The following SUPT3H variants were observed in gnomAD, a reference collection of about 807,000 sequenced individuals.
SUPT3H encodes the protein SPT3 homolog, SAGA and STAGA complex component.
SUPT3H carries 44 observed loss-of-function variants against 44.3 expected under a neutral mutation model. That is an observed-to-expected ratio of 0.99 (90% CI 0.78 to 1.28). The LOEUF is 1.28. Ranked by LOEUF, SUPT3H falls within the 50% of genes most tolerant of loss-of-function variation. The probability of loss-of-function intolerance (pLI) is 0.00; values close to 1 mark genes in which losing one functional copy is unlikely to be tolerated. For synonymous variants in SUPT3H, 124 were observed against 125.6 expected, an observed-to-expected ratio of 0.99 and a Z score of 0.09; for missense variants, 380 against 387.1, an observed-to-expected ratio of 0.98 and a Z score of 0.15.
At chr6:44,809,645 A>G (rs1766379512) in intron 11 of SUPT3H, 1 of 152,354 alleles carries the variant, frequency 6.6e-6, no homozygotes, top group Admixed American at 6.5e-5. Context: ...AACTATTTTT[A>G]AAAAGTTTTG....
chr6:45,306,941 G>T (rs1783122369), intron 2 of SUPT3H, among the ~76,000 whole-genome samples: 1 of 152,230 alleles, frequency 6.6e-6, no homozygotes, highest in South Asian at 2.1e-4. Context: ...CTTTTCCAAT[G>T]ATCTTAGCAA....
At chr6:45,006,756 T>G (rs2153507731) in intron 5 of SUPT3H, among the ~76,000 whole-genome samples, 1 of 152,202 alleles carries the variant, frequency 6.6e-6, no homozygotes, top group Non-Finnish European at 1.5e-5. Context: ...ATCTCTAAAC[T>G]TTTGGCTTTC....
At chr6:45,203,579 A>G (rs1762745734) in intron 2 of SUPT3H, among the ~76,000 whole-genome samples, 1 of 152,198 alleles carries the variant, frequency 6.6e-6, no homozygotes, top group Non-Finnish European at 1.5e-5. Context: ...AAATCAGGTC[A>G]CTTTATGCCC....
At chr6:45,041,275 G>T (rs972902541) in intron 3 of SUPT3H, among the ~76,000 whole-genome samples, 2 of 152,206 alleles carry the variant, frequency 1.3e-5, no homozygotes, top group Admixed American at 6.5e-5. Flanking sequence ...ATTAGACAAT[G>T]ATGTCAAGGA....
chr6:45,022,061 A>G (rs1785217979), intron 3 of SUPT3H, among the ~76,000 whole-genome samples: 1 of 152,036 alleles, frequency 6.6e-6, no homozygotes, highest in Non-Finnish European at 1.5e-5. Context: ...TCAAATAAAA[A>G]TATTTCTATC....
chr6:44,829,966 C>T, intron 10 of SUPT3H, 109 bp from the exon 11 acceptor site: 1 of 956,984 alleles, frequency 1.0e-6, no homozygotes. Context: ...CTGCTGGCTA[C>T]AATCTAATAG....
chr6:45,287,106 A>T (rs7765383), intron 2 of SUPT3H, among the ~76,000 whole-genome samples: 2,076 of 152,148 alleles, frequency 0.014, 33 homozygotes, highest in Middle Eastern at 0.037. Flanking sequence ...GTCGGAGGAG[A>T]GGGGAGGGAT....
At chr6:45,303,667 G>C (rs1156824568) in intron 2 of SUPT3H, among the ~76,000 whole-genome samples, 1 of 74,536 alleles carries the variant, frequency 1.3e-5, no homozygotes, top group African/African-American at 6.7e-5. Flanking sequence ...CCTGATTCTA[G>C]AAGTAAAAAA....
At chr6:45,366,678 T>C (rs927466765) in intron 1 of SUPT3H, among the ~76,000 whole-genome samples, 3 of 152,210 alleles carry the variant, frequency 2.0e-5, no homozygotes, top group Non-Finnish European at 4.4e-5. Flanking sequence ...AAACAAATAC[T>C]AAGTAGCTTC....
chr6:44,903,252 T>G (rs1223043693), intron 10 of SUPT3H, among the ~76,000 whole-genome samples: 2 of 152,050 alleles, frequency 1.3e-5, no homozygotes, highest in Admixed American at 6.5e-5. Flanking sequence ...GCTGGTTTTT[T>G]GAAAAGAACA....
chr6:44,860,441 C>A (rs1456146662), intron 10 of SUPT3H, among the ~76,000 whole-genome samples: 1 of 152,108 alleles, frequency 6.6e-6, no homozygotes, highest in Non-Finnish European at 1.5e-5. Flanking sequence ...CTCGAATGGG[C>A]CTTAGAAGTA....
At chr6:44,979,446 C>T (rs558268541) in intron 6 of SUPT3H, among the ~76,000 whole-genome samples, 7 of 152,162 alleles carry the variant, frequency 4.6e-5, no homozygotes, top group Admixed American at 4.6e-4. Flanking sequence ...TATGATTGTT[C>T]TTTGAAAATC....
intron 6 of SUPT3H, among the ~76,000 whole-genome samples, chr6:44,980,403 T>C (rs1778936145): frequency 6.6e-6 from 1 of 152,152 alleles, no homozygotes; most frequent in African/African-American, 2.4e-5. Flanking sequence ...GGAAAGGAAG[T>C]TGAGGGCCTG....
At chr6:45,376,858 C>G (rs1443953440) in intron 1 of SUPT3H, among the ~76,000 whole-genome samples, 1 of 151,756 alleles carries the variant, frequency 6.6e-6, no homozygotes, top group Non-Finnish European at 1.5e-5. Flanking sequence ...TACATACATA[C>G]ATATATACAC....
rs1768273940 is a variant in SUPT3H, at chr6:44,829,765, TTAATA to T, written c.*46_*50del. 1.3e-6 allele frequency: 2 copies of T among 1,592,424 alleles called. No homozygotes were observed. Among genetic ancestry groups the T allele is most frequent in the Non-Finnish European group, 8.6e-7 (1 of 1,164,542 alleles). On this transcript the variant is annotated 3_prime_UTR_variant, in exon 11 of 11. Transcript: ENST00000371459. Reference sequence around the variant, plus strand: ...TTTATTTTGTTCACAAGAAATCACCTTAATATAACATTGCCTTTCCTGTTGTTGCA... The same window carrying T: ...TTTATTTTGTTCACAAGAAATCACCTTAACATTGCCTTTCCTGTTGTTGCA...
chr6:44,910,064 C>G (rs1048939827), intron 10 of SUPT3H, among the ~76,000 whole-genome samples: 5 of 152,170 alleles, frequency 3.3e-5, no homozygotes, highest in African/African-American at 1.2e-4. Context: ...GTTCCCTCTG[C>G]TCATGAACCC....
chr6:45,243,553 T>G (rs551645082), intron 2 of SUPT3H, among the ~76,000 whole-genome samples: 2 of 152,250 alleles, frequency 1.3e-5, no homozygotes, highest in Admixed American at 1.3e-4. Context: ...CAAGAGATTG[T>G]AAAAGAAGAG....
intron 10 of SUPT3H, among the ~76,000 whole-genome samples, chr6:44,845,607 C>A (rs1771728534): frequency 6.6e-6 from 1 of 152,152 alleles, no homozygotes; most frequent in Non-Finnish European, 1.5e-5. Flanking sequence ...GTCCACCACG[C>A]CCCGATCCTG....
chr6:44,969,118 T>G lies in SUPT3H; in HGVS notation c.505-7290A>C, dbSNP rs145218886. ...CTGATTTCTCTCTTCTGAAATTATT[T>G]GTTCTTCTAGATAGTATTATACCCC... On this transcript the variant is annotated intron_variant, in intron 6 of 10. Transcript: ENST00000371459. 5.9e-3 allele frequency among the ~76,000 whole-genome samples: 903 copies of G among 152,324 alleles called. 4 individuals are homozygous for G. The highest frequency in any genetic ancestry group is 0.02 in the African/African-American group (812 of 41,564).
Sources: gnomAD v4.1 joint callset for allele counts (sites outside exome capture counted in the v4.1 genomes callset) on GRCh38, gnomAD v4.1.1 for gene constraint, MANE v1.5 for transcripts, NCBI Gene and HGNC (gene_info 2026-07-23, HGNC 2026-07-21) for gene names.